The following EXOC6B variants were observed in gnomAD, a reference collection of about 807,000 sequenced individuals.
EXOC6B encodes the protein exocyst complex component 6B, also known as SEC15 homolog B.
A neutral mutation model predicts 113.5 loss-of-function variants in EXOC6B; 54 were observed. That is an observed-to-expected ratio of 0.48 (90% CI 0.38 to 0.60). The LOEUF (loss-of-function observed/expected upper bound fraction) is 0.60. Among genes scored for constraint, EXOC6B ranks in the 20% least tolerant of loss-of-function variants. The pLI is 0.00. For missense variants in EXOC6B, 797 were observed against 977.5 expected (o/e 0.82, Z 2.46); for synonymous variants, 357 against 339.0 (o/e 1.05, Z -0.58).
At chr2:72,295,311 T>C (rs936165601) in intron 20 of EXOC6B, among the ~76,000 whole-genome samples, 1 of 151,966 alleles carries the variant, frequency 6.6e-6, no homozygotes, top group Non-Finnish European at 1.5e-5. Flanking sequence ...TCTATACAAC[T>C]ACATCCTTTT....
In EXOC6B at chr2:72,592,640, G is replaced by A. The variant is rs1330859631; in HGVS notation, c.670-16972C>T. ...CAAACAATTTTGACACGACAGTGCT[G>A]TGGTGCTGTGATATAATAAGAAATA... On this transcript the variant is annotated intron_variant, in intron 6 of 21. Transcript: ENST00000272427. 4.6e-5 allele frequency among the ~76,000 whole-genome samples: 7 copies of A among 152,164 alleles called. No homozygotes were observed. In the East Asian group the frequency reaches 1.3e-3, roughly 29 times the overall value.
intron 6 of EXOC6B, among the ~76,000 whole-genome samples, chr2:72,681,343 A>G (rs1676690338): frequency 6.6e-6 from 1 of 152,210 alleles, no homozygotes; most frequent in Non-Finnish European, 1.5e-5. Flanking sequence ...TGAGCACACC[A>G]AAACTCTATA....
chr2:72,823,459 G>GAA lies in EXOC6B; in HGVS notation c.113+2337_113+2338dup, dbSNP rs1237385156. Among the ~76,000 whole-genome samples the GAA allele has an allele frequency of 5.3e-3, 368 of 70,006 alleles. 65 individuals are homozygous for GAA. Among genetic ancestry groups the GAA allele is most frequent in the African/African-American group, 0.023 (284 of 12,260 alleles). 45.9% of individuals were successfully genotyped at this position (70,006 alleles called of 152,430 possible). ...CCAACTTCTCAAATCAAAGTTTTAAGAAAAAAAAAAAAAAAAAAACAAAAA... is the reference window on the plus strand; with the variant it reads ...CCAACTTCTCAAATCAAAGTTTTAAGAAAAAAAAAAAAAAAAAAAAACAAAAA... On this transcript the variant is annotated intron_variant, in intron 1 of 21. Coordinates refer to ENST00000272427, the MANE Select transcript of EXOC6B (RefSeq NM_015189.3).
chr2:72,259,598 T>C (rs1240866098), intron 20 of EXOC6B, among the ~76,000 whole-genome samples: 1 of 152,236 alleles, frequency 6.6e-6, no homozygotes, highest in African/African-American at 2.4e-5. Flanking sequence ...CATAAGAAAC[T>C]GCCAAACCAT....
At chr2:72,495,153 C>A (rs1467012972) in intron 15 of EXOC6B, among the ~76,000 whole-genome samples, 4 of 152,040 alleles carry the variant, frequency 2.6e-5, no homozygotes, top group Non-Finnish European at 4.4e-5. Context: ...CCACTGCATC[C>A]AGCCTACCAT....
intron 16 of EXOC6B, among the ~76,000 whole-genome samples, chr2:72,487,024 CTCTT>C (rs772467954): frequency 4.5e-4 from 69 of 151,970 alleles, no homozygotes; most frequent in African/African-American, 1.6e-3. Context: ...TTTACATAAA[CTCTT>C]TATTTTAGGA....
chr2:72,247,876 A>T (rs1326730152), intron 20 of EXOC6B, among the ~76,000 whole-genome samples: 1 of 152,188 alleles, frequency 6.6e-6, no homozygotes, highest in African/African-American at 2.4e-5. Flanking sequence ...AGATGTTCTG[A>T]ATTTGAACTT....
intron 18 of EXOC6B, among the ~76,000 whole-genome samples, chr2:72,438,630 A>G (rs1163405155): frequency 6.6e-6 from 1 of 152,178 alleles, no homozygotes; most frequent in Non-Finnish European, 1.5e-5. Context: ...TCTCGAGAAA[A>G]AAAACAGAGA....
At chr2:72,657,024 T>C (rs1674628878) in intron 6 of EXOC6B, among the ~76,000 whole-genome samples, 1 of 151,850 alleles carries the variant, frequency 6.6e-6, no homozygotes, top group Admixed American at 6.6e-5. Context: ...GCTAATTTTG[T>C]ATTTTTAGTA....
intron 20 of EXOC6B, among the ~76,000 whole-genome samples, chr2:72,272,869 G>A (rs1050238880): frequency 1.3e-5 from 2 of 152,082 alleles, no homozygotes; most frequent in Non-Finnish European, 2.9e-5. Flanking sequence ...CAGGTGGGAG[G>A]AATACTGAAT....
chr2:72,565,094 T>A (rs2103742816), intron 7 of EXOC6B, among the ~76,000 whole-genome samples: 1 of 152,260 alleles, frequency 6.6e-6, no homozygotes, highest in Admixed American at 6.5e-5. Context: ...CTTACACCTG[T>A]AATCCCAGCA....
At position 72,212,614 on chromosome 2, in the gene EXOC6B, C is replaced by G. The variant is rs549238778; in HGVS notation, c.2197-28427G>C. Among the ~76,000 whole-genome samples, 5 of 152,286 alleles carry G rather than the reference C, an allele frequency of 3.3e-5. No homozygotes were observed. In the South Asian group the frequency reaches 1.0e-3, roughly 32 times the overall value. ...GAGGAAATGGACCAAGAATTTGCAA[C>G]TTGTATCCTTCCAGGTTTTTCCTCA... On this transcript the variant is annotated intron_variant, in intron 20 of 21. Coordinates refer to ENST00000272427, the MANE Select transcript of EXOC6B (RefSeq NM_015189.3).
intron 20 of EXOC6B, among the ~76,000 whole-genome samples, chr2:72,279,905 G>A (rs1685031028): frequency 6.6e-6 from 1 of 152,032 alleles, no homozygotes; most frequent in African/African-American, 2.4e-5. Context: ...GCCTCCCAAT[G>A]TGCTGAGATT....
At chr2:72,528,129 C>G (rs1209969286) in intron 8 of EXOC6B, among the ~76,000 whole-genome samples, 2 of 151,832 alleles carry the variant, frequency 1.3e-5, no homozygotes, top group Non-Finnish European at 2.9e-5. Context: ...CTCTGCCTAC[C>G]CTTAGATTCT....
intron 18 of EXOC6B, among the ~76,000 whole-genome samples, chr2:72,435,530 G>A (rs904685673): frequency 6.6e-6 from 1 of 152,132 alleles, no homozygotes; most frequent in Non-Finnish European, 1.5e-5. Flanking sequence ...CTATTATTGT[G>A]TGGGACTCTA....
chr2:72,534,407 A>C (rs944602854), intron 8 of EXOC6B, among the ~76,000 whole-genome samples: 16 of 152,256 alleles, frequency 1.1e-4, no homozygotes, highest in African/African-American at 3.8e-4. Flanking sequence ...TATTGAAAAA[A>C]CAGAAGAAGA....
chr2:72,576,556 T>G (rs1205836998), intron 6 of EXOC6B, among the ~76,000 whole-genome samples: 1 of 152,126 alleles, frequency 6.6e-6, no homozygotes. Context: ...GCTCAAAGTA[T>G]GGTCTCCTAA....
At chr2:72,364,194 T>G (rs1690477043) in intron 19 of EXOC6B, among the ~76,000 whole-genome samples, 1 of 152,070 alleles carries the variant, frequency 6.6e-6, no homozygotes, top group Non-Finnish European at 1.5e-5. Context: ...TAAGATTTTT[T>G]TATAGACCAC....
At chr2:72,665,328 T>C (rs1675313168) in intron 6 of EXOC6B, among the ~76,000 whole-genome samples, 1 of 152,038 alleles carries the variant, frequency 6.6e-6, no homozygotes, top group African/African-American at 2.4e-5. Flanking sequence ...GAGGTTGACA[T>C]GCAAATTCAA....
Sources: gnomAD v4.1 joint callset for allele counts (sites outside exome capture counted in the v4.1 genomes callset) on GRCh38, gnomAD v4.1.1 for gene constraint, MANE v1.5 for transcripts, NCBI Gene and HGNC (gene_info 2026-07-23, HGNC 2026-07-21) for gene names.